The following EGLN1 variants were observed in gnomAD, a reference collection of about 807,000 sequenced individuals.
EGLN1 encodes egl-9 family hypoxia inducible factor 1, also known as egl nine homolog 1.
EGLN1 carries 17 observed loss-of-function variants against 38.3 expected under a neutral mutation model. The observed-to-expected ratio is 0.44, with a 90% CI of 0.30 to 0.67. The LOEUF is 0.67. Ranked by LOEUF, EGLN1 falls within the 30% of genes least tolerant of loss-of-function variation. EGLN1 has a pLI of 0.08. For missense variants in EGLN1, 477 were observed against 603.3 expected, an observed-to-expected ratio of 0.79 and a Z score of 2.19; for synonymous variants, 283 against 257.5, an observed-to-expected ratio of 1.10 and a Z score of -0.95.
intron 1 of EGLN1, among the ~76,000 whole-genome samples, chr1:231,397,201 G>A (rs1370886708): frequency 2.0e-5 from 3 of 152,292 alleles, no homozygotes; most frequent in South Asian, 2.1e-4. Flanking sequence ...TAAGAGGTTC[G>A]CTACAAACAA....
intron 1 of EGLN1, among the ~76,000 whole-genome samples, chr1:231,390,853 A>AT (rs5781642): frequency 0.066 from 9,819 of 148,374 alleles, 1,062 homozygotes; most frequent in African/African-American, 0.23. Context: ...ACTATTATTA[A>AT]TTTTTTTTTT....
At chr1:231,414,692 G>A (rs1180455407) in intron 1 of EGLN1, among the ~76,000 whole-genome samples, 2 of 151,508 alleles carry the variant, frequency 1.3e-5, no homozygotes, top group Non-Finnish European at 2.9e-5. Context: ...CTCAAAAATG[G>A]CAGAGGCCCA....
intron 1 of EGLN1, among the ~76,000 whole-genome samples, chr1:231,412,282 G>C (rs1435799867): frequency 6.6e-6 from 1 of 152,124 alleles, no homozygotes; most frequent in Non-Finnish European, 1.5e-5. Context: ...GTATTGATAA[G>C]TCAGTGGAAC....
intron 2 of EGLN1, among the ~76,000 whole-genome samples, chr1:231,372,711 T>C (rs1433396457): frequency 1.4e-4 from 21 of 152,306 alleles, no homozygotes; most frequent in Admixed American, 1.3e-3. Flanking sequence ...CAGCTCCATT[T>C]TGAACCTGGA....
chr1:231,366,089 A>C lies in EGLN1; in HGVS notation c.*322T>G, dbSNP rs1179976913. 5.7e-6 allele frequency: 2 copies of C among 347,876 alleles called. No homozygotes were observed. The highest frequency in any genetic ancestry group is 5.2e-6 in the Non-Finnish European group (1 of 190,514). The allele number at this position is 347,876 out of a possible 1,614,324, so 21.5% of individuals were successfully genotyped here. ...AAAAAGGGAGAGATGAAATGAACTC[A>C]GCTAGATAACAGATCTGGCAAAATA... On this transcript the variant is annotated 3_prime_UTR_variant, in exon 5 of 5. Coordinates refer to ENST00000366641, the MANE Select transcript of EGLN1 (RefSeq NM_022051.3).
At chr1:231,391,497 T>A (rs1156669955) in intron 1 of EGLN1, among the ~76,000 whole-genome samples, 1 of 152,006 alleles carries the variant, frequency 6.6e-6, no homozygotes, top group African/African-American at 2.4e-5. Flanking sequence ...GATCAGACAT[T>A]TCAGACAGGA....
chr1:231,421,562 C>T lies in EGLN1; in HGVS notation c.327G>A (p.Lys109=). The change falls in exon 1 of 5, where the codon AAG becomes AAA. Residue 109 remains lysine (K), a synonymous_variant. Transcript: ENST00000366641. This position sits in a 1 kb window ranked among gnomAD's most constrained non-coding sequence, Gnocchi z 5.5. ...RRDNASGDAA[K]GKVKAKPPAD... ...CCGGGGGCTTGGCCTTTACTTTTCCCTTGGCCGCGTCCCCGGAGGCGTTGT... is the reference window on the plus strand; with the variant it reads ...CCGGGGGCTTGGCCTTTACTTTTCCTTTGGCCGCGTCCCCGGAGGCGTTGT... 2 of 1,309,850 alleles carry T rather than the reference C, an allele frequency of 1.5e-6. No individual in the cohort carries two copies. Among genetic ancestry groups the T allele is most frequent in the South Asian group, 2.5e-5 (1 of 40,440 alleles). 81.1% of individuals were successfully genotyped at this position (1,309,850 alleles called of 1,614,324 possible).
intron 1 of EGLN1, among the ~76,000 whole-genome samples, chr1:231,377,863 T>C (rs1687997091): frequency 6.6e-6 from 1 of 151,680 alleles, no homozygotes; most frequent in South Asian, 2.1e-4. Flanking sequence ...CTATACAGTA[T>C]TTGAATTCCA....
intron 1 of EGLN1, among the ~76,000 whole-genome samples, chr1:231,374,783 A>AT (rs893495512): frequency 9.2e-5 from 14 of 151,728 alleles, no homozygotes; most frequent in East Asian, 1.9e-4. Flanking sequence ...AGTGTCAGTG[A>AT]TTTTTTTTTA....
At chr1:231,391,604 GT>G (rs1384882131) in intron 1 of EGLN1, among the ~76,000 whole-genome samples, 1 of 152,072 alleles carries the variant, frequency 6.6e-6, no homozygotes, top group Non-Finnish European at 1.5e-5. Context: ...CTCAAACTCT[GT>G]TACAAAACAT....
intron 1 of EGLN1, among the ~76,000 whole-genome samples, chr1:231,394,352 C>G (rs11582413): frequency 0.54 from 81,941 of 150,594 alleles, 23,926 homozygotes; most frequent in Non-Finnish European, 0.65. Flanking sequence ...TTGCTCACCT[C>G]TCTCAGCCAT....
Position 231,410,015 on chromosome 1 carries a change from A to T in EGLN1, c.891+10983T>A, listed in dbSNP as rs1272668533. Among the ~76,000 whole-genome samples the T allele has an allele frequency of 1.3e-5, 2 of 152,120 alleles. 1 individual carries two copies. Among genetic ancestry groups the T allele is most frequent in the East Asian group, 3.9e-4 (2 of 5,168 alleles). On this transcript the variant is annotated intron_variant, in intron 1 of 4. Coordinates refer to ENST00000366641, the MANE Select transcript of EGLN1 (RefSeq NM_022051.3). ...GGGAAAAAAAGTGTAGACTAGAGGGAAAAAAAGAGAAGACAAACCACAGAT... is the reference window on the plus strand; with the variant it reads ...GGGAAAAAAAGTGTAGACTAGAGGGTAAAAAAGAGAAGACAAACCACAGAT...
chr1:231,372,670 A>G (rs1042543426), intron 2 of EGLN1, among the ~76,000 whole-genome samples: 3 of 152,244 alleles, frequency 2.0e-5, no homozygotes, highest in African/African-American at 7.2e-5. Flanking sequence ...ATGCTTGTTG[A>G]CATGCCTCAA....
intron 1 of EGLN1, among the ~76,000 whole-genome samples, chr1:231,383,776 T>C (rs1420182637): frequency 1.3e-5 from 2 of 151,960 alleles, no homozygotes; most frequent in East Asian, 3.9e-4. Flanking sequence ...TAAGAATCGC[T>C]TGGGTTACTT....
chr1:231,367,235 A>C (rs1299398152), intron 4 of EGLN1, among the ~76,000 whole-genome samples: 3 of 152,212 alleles, frequency 2.0e-5, no homozygotes, highest in African/African-American at 7.2e-5. Context: ...TATTAATTTA[A>C]GGAGTGAATG....
intron 1 of EGLN1, among the ~76,000 whole-genome samples, chr1:231,394,776 C>T (rs991933183): frequency 4.6e-5 from 7 of 152,094 alleles, no homozygotes; most frequent in Non-Finnish European, 7.3e-5. Context: ...ACTTCCTCAA[C>T]TTTTCACCCC....
At chr1:231,410,092 G>C (rs764412977) in intron 1 of EGLN1, among the ~76,000 whole-genome samples, 12 of 152,150 alleles carry the variant, frequency 7.9e-5, no homozygotes, top group African/African-American at 2.9e-4. Flanking sequence ...AAGAACTGAC[G>C]TAAGAACTGG....
At chr1:231,396,450 C>T (rs542697186) in intron 1 of EGLN1, among the ~76,000 whole-genome samples, 1 of 152,200 alleles carries the variant, frequency 6.6e-6, no homozygotes, top group Non-Finnish European at 1.5e-5. Context: ...GACGGGGTTT[C>T]ACCATGTTGG....
intron 1 of EGLN1, among the ~76,000 whole-genome samples, chr1:231,416,919 A>T (rs1003545723): frequency 6.6e-6 from 1 of 152,224 alleles, no homozygotes; most frequent in Non-Finnish European, 1.5e-5. Flanking sequence ...ATCATTAAAC[A>T]AGTAACTTCA....
Sources: allele counts gnomAD v4.1 joint callset (sites outside exome capture counted in the v4.1 genomes callset), GRCh38; gene constraint gnomAD v4.1.1; non-coding constraint Gnocchi (gnomAD v3.1); transcripts MANE v1.5; gene names NCBI Gene and HGNC (gene_info 2026-07-23, HGNC 2026-07-21).